The following PCDHA5 variants were observed in gnomAD, a reference collection of about 807,000 sequenced individuals.
PCDHA5 encodes protocadherin alpha 5, also known as protocadherin alpha-5.
In PCDHA5, 43 loss-of-function variants were observed where a neutral mutation model predicts 61.6. The observed-to-expected ratio is 0.70, with a 90% CI of 0.55 to 0.90. The LOEUF (loss-of-function observed/expected upper bound fraction) is 0.90. Among genes scored for constraint, PCDHA5 ranks in the 40% least tolerant of loss-of-function variants. The pLI is 0.00. For missense variants in PCDHA5, 1,298 were observed against 1,222.7 expected (o/e 1.06, Z -0.92); for synonymous variants, 627 against 543.9 (o/e 1.15, Z -2.13).
chr5:141,010,612 A>C lies in PCDHA5; in HGVS notation c.*675A>C. Reference sequence around the variant, plus strand: ...GTTGGCTGTGACGTCATTATACCTAAAATCTGCATCATACCTGCAAGCCAA... The same window carrying C: ...GTTGGCTGTGACGTCATTATACCTACAATCTGCATCATACCTGCAAGCCAA... On this transcript the variant is annotated 3_prime_UTR_variant, in exon 4 of 4. Transcript: ENST00000529859. 1 of 196,976 alleles carries C rather than the reference A, an allele frequency of 5.1e-6. No individual in the cohort carries two copies. The highest frequency in any genetic ancestry group is 1.0e-5 in the Non-Finnish European group (1 of 95,484). 12.2% of individuals were successfully genotyped at this position (196,976 alleles called of 1,614,324 possible). A position where few individuals can be genotyped will look rare whatever the true frequency, so the allele number is the denominator to read the frequency against.
chr5:140,926,665 G>C, intron 1 of PCDHA5: 1 of 538,906 alleles, frequency 1.9e-6, no homozygotes, highest in Non-Finnish European at 2.9e-6. Context: ...TTTCCCAGAC[G>C]GCTGCCCAGC....
chr5:140,882,474 A>G, intron 1 of PCDHA5: 1 of 1,614,054 alleles, frequency 6.2e-7, no homozygotes, highest in Non-Finnish European at 8.5e-7. Context: ...GTGGCGTCCA[A>G]AAGACACGGG....
Position 140,856,070 on chromosome 5 carries a change from C to T in PCDHA5, c.2352+31943C>T. 3.1e-6 allele frequency: 5 copies of T among 1,591,758 alleles called. 1 individual carries two copies. Among genetic ancestry groups the T allele is most frequent in the Non-Finnish European group, 4.3e-6 (5 of 1,163,604 alleles). On this transcript the variant is annotated intron_variant, in intron 1 of 3. Coordinates refer to ENST00000529859, the MANE Select transcript of PCDHA5 (RefSeq NM_018908.3). ...TAAGATGGTTTCCAGATGTAGCTGC[C>T]TGGGGGTCCAGTGTCTGCTGCTCTC...
intron 1 of PCDHA5, among the ~76,000 whole-genome samples, chr5:140,909,018 A>AT: frequency 6.6e-6 from 1 of 152,230 alleles, no homozygotes; most frequent in East Asian, 1.9e-4. Context: ...AGGTTCCTGA[A>AT]TTTTAGTCAT....
rs782468153 is a variant in PCDHA5, at chr5:140,858,011, G to A, written c.2352+33884G>A. ...ACTGGTGCTGGTGAAGGACCATGGCGAGCCGTCGCTGACGGCCACGGCCAC... is the reference window on the plus strand; with the variant it reads ...ACTGGTGCTGGTGAAGGACCATGGCAAGCCGTCGCTGACGGCCACGGCCAC... On this transcript the variant is annotated intron_variant, in intron 1 of 3. Transcript: ENST00000529859. 1.1e-5 allele frequency: 18 copies of A among 1,596,704 alleles called. 1 individual carries two copies. Among genetic ancestry groups the A allele is most frequent in the Non-Finnish European group, 1.5e-5 (17 of 1,167,106 alleles).
At chr5:140,887,438 A>T (rs540823028) in intron 1 of PCDHA5, among the ~76,000 whole-genome samples, 3 of 152,268 alleles carry the variant, frequency 2.0e-5, no homozygotes, top group Admixed American at 6.5e-5. Flanking sequence ...TTCACTGGGC[A>T]TAGTTGACAG....
At chr5:140,928,356 C>A in intron 1 of PCDHA5, 1 of 1,614,176 alleles carries the variant, frequency 6.2e-7, no homozygotes, top group South Asian at 1.1e-5. Context: ...TGGATGTTAT[C>A]TCTGAAGGGC....
chr5:140,884,634 GGGA>G (rs1562808845), intron 1 of PCDHA5: 3 of 1,612,414 alleles, frequency 1.9e-6, no homozygotes, highest in Non-Finnish European at 2.5e-6. Context: ...ACAGGCCAGA[GGGA>G]GGAGGACTCA....
intron 1 of PCDHA5, chr5:140,876,435 C>T: frequency 6.2e-7 from 1 of 1,613,970 alleles, no homozygotes; most frequent in South Asian, 1.1e-5. Context: ...TTCAGGTTAA[C>T]GCCATTGATA....
chr5:140,872,448 G>A (rs1164382380), intron 1 of PCDHA5, among the ~76,000 whole-genome samples: 2 of 151,992 alleles, frequency 1.3e-5, no homozygotes, highest in South Asian at 2.1e-4. Flanking sequence ...ACAACATAGC[G>A]AGATCCTGTC....
At chr5:140,882,768 C>T (rs1554175511) in intron 1 of PCDHA5, 1 of 1,614,222 alleles carries the variant, frequency 6.2e-7, no homozygotes, top group East Asian at 2.2e-5. Context: ...GTAAACTCGG[C>T]ATTGACCTAC....
chr5:140,914,473 G>A (rs1162580496), intron 1 of PCDHA5, among the ~76,000 whole-genome samples: 1 of 152,116 alleles, frequency 6.6e-6, no homozygotes, highest in Admixed American at 6.6e-5. Flanking sequence ...TATCTTCATA[G>A]GTGAAGTGTT....
At chr5:140,975,174 T>C (rs1470598627) in intron 1 of PCDHA5, among the ~76,000 whole-genome samples, 1 of 152,208 alleles carries the variant, frequency 6.6e-6, no homozygotes, top group Non-Finnish European at 1.5e-5. Context: ...GACTCAGGAC[T>C]CTTGTCCCAT....
intron 1 of PCDHA5, among the ~76,000 whole-genome samples, chr5:140,873,773 G>A (rs1554166889): frequency 6.6e-6 from 1 of 152,120 alleles, no homozygotes; most frequent in Non-Finnish European, 1.5e-5. Context: ...CAATTCTCCT[G>A]CCTCAGCTTT....
At chr5:140,875,588 C>T in intron 1 of PCDHA5, 1 of 1,613,954 alleles carries the variant, frequency 6.2e-7, no homozygotes, top group Non-Finnish European at 8.5e-7. Flanking sequence ...TACGAGGAGG[C>T]CAAACACGGC....
At chr5:140,870,141 T>C in intron 1 of PCDHA5, 1 of 1,613,952 alleles carries the variant, frequency 6.2e-7, no homozygotes, top group Non-Finnish European at 8.5e-7. Flanking sequence ...ACGATAACTC[T>C]CCTGAAGTCG....
At chr5:140,872,181 G>T (rs2053527538) in intron 1 of PCDHA5, among the ~76,000 whole-genome samples, 1 of 151,138 alleles carries the variant, frequency 6.6e-6, no homozygotes, top group Admixed American at 6.6e-5. Flanking sequence ...TTTTTTTACA[G>T]TGTTAAACGT....
intron 1 of PCDHA5, chr5:140,882,822 G>C: frequency 6.2e-7 from 1 of 1,614,198 alleles, no homozygotes; most frequent in South Asian, 1.1e-5. Context: ...GCACAAAACA[G>C]TCTTGAGCAA....
chr5:140,883,643 G>A (rs1182808577), intron 1 of PCDHA5: 2 of 1,613,822 alleles, frequency 1.2e-6, no homozygotes, highest in Non-Finnish European at 1.7e-6. Context: ...CGCGCAGCCC[G>A]AGTACACGGT....
Sources: allele counts gnomAD v4.1 joint callset (sites outside exome capture counted in the v4.1 genomes callset), GRCh38; gene constraint gnomAD v4.1.1; transcripts MANE v1.5; gene names NCBI Gene and HGNC (gene_info 2026-07-23, HGNC 2026-07-21).